CEP78: variants seen among roughly 807,000 people sequenced by gnomAD.
CEP78 encodes centrosomal protein 78, also known as centrosomal protein of 78 kDa.
Under a neutral mutation model 81.2 loss-of-function variants are expected in CEP78, and 76 were observed. The observed-to-expected ratio is 0.94, with a 90% CI of 0.78 to 1.13. The LOEUF (loss-of-function observed/expected upper bound fraction) is 1.13, where lower values mean the gene tolerates loss of function less well. Ranked by LOEUF, CEP78 falls within the 50% of genes most tolerant of loss-of-function variation. CEP78 has a pLI of 0.00. For missense variants in CEP78, 918 were observed against 846.8 expected (o/e 1.08, Z -1.04); for synonymous variants, 293 against 301.4 (o/e 0.97, Z 0.29).
At chr9:78,253,201 A>AT (rs1826845833) in intron 9 of CEP78, 31 bp from the exon 10 acceptor site, 1 of 977,992 alleles carries the variant, frequency 1.0e-6, no homozygotes, top group Admixed American at 2.0e-5. Flanking sequence ...TTTACATCAA[A>AT]ATATAACTTA....
intron 10 of CEP78, among the ~76,000 whole-genome samples, chr9:78,254,248 TG>T (rs753430431): frequency 7.2e-5 from 11 of 152,116 alleles, no homozygotes; most frequent in Non-Finnish European, 1.3e-4. Context: ...GTTTTTATTT[TG>T]TAGAGACAGG....
At position 78,236,556 on chromosome 9, in the gene CEP78, C is replaced by A; in HGVS notation, c.206C>A (p.Pro69His). 1 of 1,586,260 alleles carries A rather than the reference C, an allele frequency of 6.3e-7. No homozygotes were observed. Among genetic ancestry groups the A allele is most frequent in the Non-Finnish European group, 8.6e-7 (1 of 1,165,972 alleles). The change falls in exon 1 of 17, where the codon CCC (proline) becomes CAC (histidine). Residue 69 changes from proline to histidine, a missense_variant. By Grantham distance (77) the Pro-to-His change is moderately conservative (BLOSUM62 -2). Transcript: ENST00000643273. Reference protein sequence around the residue: ...LSTLKINKDLPLVSIKSFFQP... With the variant: ...LSTLKINKDLHLVSIKSFFQP... Reference sequence around the variant, plus strand: ...ACCCTCAAGATCAATAAAGACCTGCCCTTGGTCTCCATCAAGAGCTTCTTC... The same window carrying A: ...ACCCTCAAGATCAATAAAGACCTGCACTTGGTCTCCATCAAGAGCTTCTTC...
In CEP78 at chr9:78,253,278, G is replaced by A; in HGVS notation, c.1251+1G>A. On this transcript the variant is annotated splice_donor_variant, in intron 10 of 16. Coordinates refer to ENST00000643273, the MANE Select transcript of CEP78 (RefSeq NM_001330691.3). LOFTEE classifies it high-confidence loss of function. ...ACGTGATATATGTAATCAGTTGCAG[G>A]TACGTAGTTACCATGTTTATAATAT... 1 of 1,308,094 alleles carries A rather than the reference G, an allele frequency of 7.6e-7. No homozygotes were observed. The highest frequency in any genetic ancestry group is 1.1e-6 in the Non-Finnish European group (1 of 914,016). The allele number at this position is 1,308,094 out of a possible 1,614,324, so 81.0% of individuals were successfully genotyped here.
intron 8 of CEP78, chr9:78,250,171 G>T: frequency 2.5e-6 from 1 of 397,714 alleles, no homozygotes; most frequent in South Asian, 1.3e-4. Flanking sequence ...TTGGAAATGT[G>T]ACTGAAGTTT....
intron 1 of CEP78, among the ~76,000 whole-genome samples, chr9:78,239,528 C>A (rs1489553800): frequency 6.6e-6 from 1 of 152,180 alleles, no homozygotes; most frequent in Non-Finnish European, 1.5e-5. Flanking sequence ...ATTTTTCTAA[C>A]CTGCTAGGGG....
At chr9:78,266,734 AACACC>A in intron 16 of CEP78, 31 bp downstream of exon 16, 1 of 1,610,194 alleles carries the variant, frequency 6.2e-7, no homozygotes, top group East Asian at 2.2e-5. Flanking sequence ...TCTGATAAGC[AACACC>A]CTGGAAAGGA....
In CEP78 at chr9:78,264,114, A is replaced by G. The variant is rs746282208; in HGVS notation, c.1459-36A>G. 6 of 1,368,556 alleles carry G rather than the reference A, an allele frequency of 4.4e-6. No individual in the cohort carries two copies. In the African/African-American group the frequency reaches 4.5e-5, roughly 10 times the overall value. The allele number at this position is 1,368,556 out of a possible 1,614,324, so 84.8% of individuals were successfully genotyped here. On this transcript the variant is annotated intron_variant, in intron 12 of 16. Transcript: ENST00000643273. ...AAAACTATTTTGGTGATAATGAGAGAAAATCATGTCACACATTTTCAATCT... is the reference window on the plus strand; with the variant it reads ...AAAACTATTTTGGTGATAATGAGAGGAAATCATGTCACACATTTTCAATCT...
chr9:78,267,139 T>C lies in CEP78; in HGVS notation c.2107+436T>C, dbSNP rs753838579. The stretch of plus-strand genomic sequence containing the variant: ...GAAGATTTCTCTATACTTTTTATTA[T>C]AGTGAAATTTTTGGTCTGTTTTTCC... On this transcript the variant is annotated intron_variant, in intron 16 of 16. Transcript: ENST00000643273. 8.9e-6 allele frequency: 8 copies of C among 894,792 alleles called. No homozygotes were observed. In the East Asian group the frequency reaches 1.8e-4, roughly 21 times the overall value. 55.4% of individuals were successfully genotyped at this position (894,792 alleles called of 1,614,324 possible).
Position 78,241,763 on chromosome 9 carries a change from A to G in CEP78, c.567A>G (p.Thr189=), listed in dbSNP as rs1485958665. The change falls in exon 4 of 17, where the codon ACA becomes ACG. Residue 189 remains threonine (T), a synonymous_variant. Coordinates refer to ENST00000643273, the MANE Select transcript of CEP78 (RefSeq NM_001330691.3). ...TCAACTTCACAGGATGTAATCTGAC[A>G]TGGCAGGGAGCAGATCACATGGCCA... The part of the protein sequence containing the change: ...KTVNFTGCNL[T]WQGADHMAKI... 3 of 1,609,610 alleles carry G rather than the reference A, an allele frequency of 1.9e-6. No individual in the cohort carries two copies. The highest frequency in any genetic ancestry group is 2.6e-6 in the Non-Finnish European group (3 of 1,176,248).
rs2118535673 is a variant in CEP78 at position 78,272,449 on chromosome 9, A to T, written c.*1598A>T. On this transcript the variant is annotated 3_prime_UTR_variant, in exon 17 of 17. Coordinates refer to ENST00000643273, the MANE Select transcript of CEP78 (RefSeq NM_001330691.3). The stretch of plus-strand genomic sequence containing the variant: ...TCACCAGAGGTGCCTGTAGTCAGAA[A>T]AAGTCTAAATAAATACTAATGACAT... The T allele has an allele frequency of 6.6e-6, 1 of 152,320 alleles. No homozygotes were observed. The highest frequency in any genetic ancestry group is 1.5e-5 in the Non-Finnish European group (1 of 68,020). The allele number at this position is 152,320 out of a possible 1,614,324, so 9.4% of individuals were successfully genotyped here.
At chr9:78,246,880 C>G in intron 6 of CEP78, 98 bp downstream of exon 6, 3 of 617,300 alleles carry the variant, frequency 4.9e-6, no homozygotes, top group Middle Eastern at 3.6e-4. Flanking sequence ...GTTTCCTTCC[C>G]TAATCTTACA....
intron 5 of CEP78, among the ~76,000 whole-genome samples, chr9:78,245,268 A>T (rs1001654585): frequency 6.6e-6 from 1 of 152,150 alleles, no homozygotes; most frequent in Admixed American, 6.5e-5. Context: ...GAAGACATTC[A>T]TTTCTCACAG....
At chr9:78,238,120 T>A (rs1007028228) in intron 1 of CEP78, among the ~76,000 whole-genome samples, 4 of 148,870 alleles carry the variant, frequency 2.7e-5, no homozygotes, top group Admixed American at 6.6e-5. Flanking sequence ...AGCAAAACTC[T>A]GTCTCAAAAA....
At chr9:78,242,380 A>G (rs1182532245) in intron 4 of CEP78, among the ~76,000 whole-genome samples, 1 of 152,182 alleles carries the variant, frequency 6.6e-6, no homozygotes, top group African/African-American at 2.4e-5. Flanking sequence ...CGTGGGATAG[A>G]TAATGGTTAC....
intron 1 of CEP78, among the ~76,000 whole-genome samples, chr9:78,237,982 G>A (rs747701198): frequency 6.8e-6 from 1 of 146,070 alleles, no homozygotes; most frequent in African/African-American, 2.6e-5. Flanking sequence ...AAAATTAGCC[G>A]GGCGTGGTGG....
chr9:78,264,817 G>C (rs936520232), intron 13 of CEP78, among the ~76,000 whole-genome samples: 6 of 152,132 alleles, frequency 3.9e-5, no homozygotes, highest in Non-Finnish European at 8.8e-5. Context: ...TTAAGTTTGA[G>C]ATATTAAAAT....
intron 10 of CEP78, among the ~76,000 whole-genome samples, chr9:78,254,299 C>T (rs765127381): frequency 1.3e-5 from 2 of 152,008 alleles, no homozygotes; most frequent in Non-Finnish European, 2.9e-5. Flanking sequence ...AACTTCTGAC[C>T]TTAAGCAGTA....
intron 16 of CEP78, among the ~76,000 whole-genome samples, chr9:78,269,338 A>G (rs1296486895): frequency 6.6e-6 from 1 of 152,172 alleles, no homozygotes; most frequent in African/African-American, 2.4e-5. Flanking sequence ...TGGAAAGAAG[A>G]GTTTAGTTTG....
intron 8 of CEP78, among the ~76,000 whole-genome samples, chr9:78,250,895 G>C (rs1043015595): frequency 2.0e-5 from 3 of 152,106 alleles, no homozygotes; most frequent in African/African-American, 7.2e-5. Context: ...AAATTGCACA[G>C]CACAATGTGG....
Sources: gnomAD v4.1 joint callset for allele counts (sites outside exome capture counted in the v4.1 genomes callset) on GRCh38, gnomAD v4.1.1 for gene constraint, MANE v1.5 for transcripts, NCBI Gene and HGNC (gene_info 2026-07-23, HGNC 2026-07-21) for gene names.